The following RBM25 variants were observed in gnomAD, a reference collection of about 807,000 sequenced individuals.
The protein encoded by RBM25 is RNA binding motif protein 25.
A neutral mutation model predicts 120.7 loss-of-function variants in RBM25; 19 were observed. The observed-to-expected ratio is 0.16, with a 90% confidence interval of 0.11 to 0.23. The LOEUF is 0.23. Ranked by LOEUF, RBM25 falls within the 10% of genes least tolerant of loss-of-function variation. RBM25 has a pLI of 1.00. For missense variants in RBM25, 605 were observed against 1,041.5 expected (o/e 0.58, Z 5.77); for synonymous variants, 390 against 326.7 (o/e 1.19, Z -2.09).
intron 13 of RBM25, among the ~76,000 whole-genome samples, 199 bp downstream of exon 13, chr14:73,108,098 G>C (rs577699831): frequency 1.3e-5 from 2 of 152,326 alleles, no homozygotes; most frequent in African/African-American, 4.8e-5. Context: ...ACATTTCTAT[G>C]CATCTTTTGT....
chr14:73,072,063 C>T (rs1192705360), intron 2 of RBM25, among the ~76,000 whole-genome samples: 2 of 152,054 alleles, frequency 1.3e-5, no homozygotes, highest in Non-Finnish European at 2.9e-5. Context: ...ACCTCCACCT[C>T]CTAGGCTCAA....
chr14:73,069,265 A>C (rs1895217953), intron 1 of RBM25, among the ~76,000 whole-genome samples: 1 of 152,238 alleles, frequency 6.6e-6, no homozygotes, highest in Admixed American at 6.5e-5. Context: ...AGAAATTCAC[A>C]TGATGTGATT....
intron 5 of RBM25, among the ~76,000 whole-genome samples, chr14:73,084,741 G>A (rs1443279154): frequency 1.3e-5 from 2 of 151,364 alleles, no homozygotes; most frequent in African/African-American, 4.9e-5. Flanking sequence ...TAGTAGAGAC[G>A]GGGTTTCTCC....
chr14:73,092,855 CTG>C (rs1035401371), intron 6 of RBM25, among the ~76,000 whole-genome samples: 1 of 152,174 alleles, frequency 6.6e-6, no homozygotes, highest in Non-Finnish European at 1.5e-5. Context: ...GCATGAGCCA[CTG>C]TGCCCAGCCA....
At chr14:73,081,129 C>T (rs985940869) in intron 4 of RBM25, among the ~76,000 whole-genome samples, 1 of 150,422 alleles carries the variant, frequency 6.6e-6, no homozygotes, top group Non-Finnish European at 1.5e-5. Flanking sequence ...AGTCCATTTT[C>T]TTATTTTAAT....
rs28538853 is a variant in RBM25, at chr14:73,068,176, T to C, written c.-15-3451T>C. ...TGGTCCTGGATGCTTTAGTGGTCTCTTGATATGTGGAAAGCCTTGTTTTGG... is the reference window on the plus strand; with the variant it reads ...TGGTCCTGGATGCTTTAGTGGTCTCCTGATATGTGGAAAGCCTTGTTTTGG... On this transcript the variant is annotated intron_variant, in intron 1 of 18. Transcript: ENST00000261973. 3,003 of 844,970 alleles carry C rather than the reference T, an allele frequency of 3.6e-3. 63 individuals carry two copies. In the African/African-American group the frequency reaches 0.044, roughly 12 times the overall value. 52.3% of individuals were successfully genotyped at this position (844,970 alleles called of 1,614,324 possible).
intron 1 of RBM25, among the ~76,000 whole-genome samples, chr14:73,069,620 A>G (rs557292686): frequency 1.3e-5 from 2 of 151,622 alleles, no homozygotes; most frequent in African/African-American, 2.4e-5. Flanking sequence ...TTTAGTGGAG[A>G]TGGGGTTTCT....
At chr14:73,088,303 A>G in intron 6 of RBM25, 142 bp downstream of exon 6, 1 of 1,092,820 alleles carries the variant, frequency 9.2e-7, no homozygotes, top group East Asian at 2.5e-5. Flanking sequence ...GGTATTTTAT[A>G]GTTTGTAGTT....
chr14:73,070,026 T>C (rs998895123), intron 1 of RBM25: 7 of 151,990 alleles, frequency 4.6e-5, no homozygotes, highest in Admixed American at 1.3e-4. Flanking sequence ...ATGACAAAGT[T>C]TTCTTTAACA....
At chr14:73,115,023 T>C (rs2140465909) in intron 18 of RBM25, among the ~76,000 whole-genome samples, 1 of 152,296 alleles carries the variant, frequency 6.6e-6, no homozygotes, top group East Asian at 1.9e-4. Flanking sequence ...GGTATACAGG[T>C]ACTGGAACCT....
chr14:73,069,745 T>C (rs1203634139), intron 1 of RBM25: 1 of 23,886 alleles, frequency 4.2e-5, no homozygotes, highest in Non-Finnish European at 7.4e-5. Context: ...ACCCTGTTTC[T>C]TAAAAAAAAA....
intron 6 of RBM25, among the ~76,000 whole-genome samples, chr14:73,093,151 G>C (rs560986186): frequency 6.6e-6 from 1 of 152,274 alleles, no homozygotes; most frequent in South Asian, 2.1e-4. Flanking sequence ...AATGAACACT[G>C]ACAAGTGCTG....
At chr14:73,113,789 G>A (rs1354349238) in intron 17 of RBM25, among the ~76,000 whole-genome samples, 1 of 152,140 alleles carries the variant, frequency 6.6e-6, no homozygotes, top group Non-Finnish European at 1.5e-5. Context: ...TGAAGAAATT[G>A]AAGTTTAAGG....
chr14:73,117,440 C>T (rs1272577236), intron 18 of RBM25, among the ~76,000 whole-genome samples: 2 of 151,612 alleles, frequency 1.3e-5, no homozygotes, highest in African/African-American at 4.8e-5. Context: ...CATGTTGGCC[C>T]GGCTGGTCTC....
intron 18 of RBM25, 143 bp from the exon 19 acceptor site, chr14:73,119,570 A>G (rs896878120): frequency 2.6e-4 from 383 of 1,449,056 alleles, no homozygotes; most frequent in Non-Finnish European, 3.3e-4. Flanking sequence ...CGGCCACTAA[A>G]ACAACCTTAA....
At chr14:73,105,766 A>AT in intron 10 of RBM25, 93 bp from the exon 11 acceptor site, 2 of 1,530,230 alleles carry the variant, frequency 1.3e-6, no homozygotes, top group Non-Finnish European at 1.8e-6. Context: ...GTGAGATTTT[A>AT]TATTATTTCA....
intron 6 of RBM25, among the ~76,000 whole-genome samples, chr14:73,089,970 CAT>C (rs1397487672): frequency 6.6e-6 from 1 of 152,028 alleles, no homozygotes; most frequent in East Asian, 1.9e-4. Context: ...ATTTCTAAAA[CAT>C]AAGTATAATT....
chr14:73,097,191 C>CT (rs202085217), intron 7 of RBM25, 91 bp downstream of exon 7: 10 of 375,726 alleles, frequency 2.7e-5, no homozygotes, highest in South Asian at 1.1e-4. Flanking sequence ...TTTCTTTTTT[C>CT]TTTTCTTTTT....
rs569702849 is a variant in RBM25 at position 73,079,595 on chromosome 14, A to G, written c.324+2059A>G. Among the ~76,000 whole-genome samples the G allele has an allele frequency of 3.2e-4, 48 of 150,678 alleles. 4 individuals carry two copies. The highest frequency in any genetic ancestry group is 5.5e-4 in the Non-Finnish European group (37 of 67,108). ...TGAGTAGTTCAGTATGAGTCCTGCA[A>G]TCTTGCCATCCTCTGGAAATATTGT... On this transcript the variant is annotated intron_variant, in intron 4 of 18. Coordinates refer to ENST00000261973, the MANE Select transcript of RBM25 (RefSeq NM_021239.3).
Sources: allele counts gnomAD v4.1 joint callset (sites outside exome capture counted in the v4.1 genomes callset), GRCh38; gene constraint gnomAD v4.1.1; transcripts MANE v1.5; gene names NCBI Gene and HGNC (gene_info 2026-07-23, HGNC 2026-07-21).